ATP11A: variants seen among roughly 807,000 people sequenced by gnomAD.
ATP11A encodes phospholipid-transporting ATPase IH.
A neutral mutation model predicts 154.4 loss-of-function variants in ATP11A; 81 were observed. The observed-to-expected ratio is 0.52, with a 90% CI of 0.44 to 0.63. The LOEUF (loss-of-function observed/expected upper bound fraction) is 0.63, where lower values mean the gene tolerates loss of function less well. ATP11A is among the 30% of genes least tolerant of loss of function. ATP11A has a pLI of 0.00. For missense variants in ATP11A, 1,316 were observed against 1,474.3 expected, an observed-to-expected ratio of 0.89 and a Z score of 1.76; for synonymous variants, 623 against 585.9, an observed-to-expected ratio of 1.06 and a Z score of -0.91.
intron 17 of ATP11A, 23 bp from the exon 18 acceptor site, chr13:112,851,014 A>G: frequency 6.2e-7 from 1 of 1,606,656 alleles, no homozygotes; most frequent in Non-Finnish European, 8.5e-7. Flanking sequence ...AATTCGTGCT[A>G]AACGCTGCAT....
chr13:112,757,793 C>T (rs2076875620), intron 1 of ATP11A, among the ~76,000 whole-genome samples: 1 of 152,216 alleles, frequency 6.6e-6, no homozygotes, highest in African/African-American at 2.4e-5. Flanking sequence ...GTCTTTCTTC[C>T]TGATTGTCTT....
At chr13:112,714,399 A>G (rs190302140) in intron 1 of ATP11A, among the ~76,000 whole-genome samples, 39 of 152,096 alleles carry the variant, frequency 2.6e-4, no homozygotes, top group Admixed American at 2.3e-3. Flanking sequence ...TGACTTTCCT[A>G]TGTGTGTGGC....
intron 14 of ATP11A, among the ~76,000 whole-genome samples, chr13:112,834,249 C>T (rs1415871429): frequency 6.6e-6 from 1 of 152,222 alleles, no homozygotes; most frequent in African/African-American, 2.4e-5. Flanking sequence ...ACAACAAAGT[C>T]CACGAATCAA....
chr13:112,860,412 C>CAGGT lies in ATP11A; in HGVS notation c.2855_2855+3dup. ...TGCTCAAGAGAGACCCGACCCTGTA[C>CAGGT]AGGTACCATCCTCCAAACAGCCTCT... On this transcript the variant is annotated frameshift_variant and splice_region_variant, in exon 24 of 30. Transcript: ENST00000375645. The CAGGT allele has an allele frequency of 6.2e-7, 1 of 1,614,126 alleles. No homozygotes were observed. Among genetic ancestry groups the CAGGT allele is most frequent in the South Asian group, 1.1e-5 (1 of 91,076 alleles).
chr13:112,850,112 G>A (rs1431141518), intron 17 of ATP11A, among the ~76,000 whole-genome samples: 4 of 152,172 alleles, frequency 2.6e-5, no homozygotes, highest in African/African-American at 7.2e-5. Flanking sequence ...TTAAGAGGTC[G>A]GAACTAGTGA....
chr13:112,699,581 A>C (rs961435490), intron 1 of ATP11A, among the ~76,000 whole-genome samples: 1 of 152,206 alleles, frequency 6.6e-6, no homozygotes, highest in Non-Finnish European at 1.5e-5. Context: ...TTTATGTGCA[A>C]ACGTTTTAAC....
intron 8 of ATP11A, among the ~76,000 whole-genome samples, chr13:112,820,473 G>T (rs996699487): frequency 6.6e-6 from 1 of 152,196 alleles, no homozygotes; most frequent in Admixed American, 6.5e-5. Context: ...CTCACGGTTG[G>T]CTGCTGTGCC....
At chr13:112,800,762 C>T (rs914846801) in intron 2 of ATP11A, among the ~76,000 whole-genome samples, 1 of 152,118 alleles carries the variant, frequency 6.6e-6, no homozygotes, top group African/African-American at 2.4e-5. Flanking sequence ...AAAATATTAG[C>T]AAGTCCAATT....
At position 112,753,534 on chromosome 13, in the gene ATP11A, ACTT is replaced by A. The variant is rs2076747411; in HGVS notation, c.40-31598_40-31596del. On this transcript the variant is annotated intron_variant, in intron 1 of 29. Transcript: ENST00000375645. This position sits in a 1 kb window ranked among gnomAD's most constrained non-coding sequence, Gnocchi z 4.1. Reference sequence around the variant, plus strand: ...ACGTCCTGTTGTGGTTTTATCTTGTACTTCTCCTGCTAACAGGCAGGTTGAGAA... The same window carrying A: ...ACGTCCTGTTGTGGTTTTATCTTGTACTCCTGCTAACAGGCAGGTTGAGAA... Among the ~76,000 whole-genome samples the A allele has an allele frequency of 6.6e-6, 1 of 152,144 alleles. No individual in the cohort carries two copies. Among genetic ancestry groups the A allele is most frequent in the Non-Finnish European group, 1.5e-5 (1 of 68,028 alleles).
intron 2 of ATP11A, among the ~76,000 whole-genome samples, chr13:112,794,805 T>C (rs1369298892): frequency 6.6e-6 from 1 of 151,762 alleles, no homozygotes; most frequent in Non-Finnish European, 1.5e-5. Flanking sequence ...GAGGCAGAGG[T>C]TGCAGTGAGC....
chr13:112,755,615 A>G (rs1161315624), intron 1 of ATP11A, among the ~76,000 whole-genome samples: 1 of 152,204 alleles, frequency 6.6e-6, no homozygotes, highest in Non-Finnish European at 1.5e-5. Flanking sequence ...CAATCATGGA[A>G]GCGTCACTCA....
rs529939823 is a variant in ATP11A, at chr13:112,801,956, G to A, written c.163-3001G>A. On this transcript the variant is annotated intron_variant, in intron 2 of 29. Transcript: ENST00000375645. ...AAGGCAAAAGACCCAGAATAGCCTC[G>A]CAGTATTGAACCAAGTTGGAGAACT... 2.6e-4 allele frequency among the ~76,000 whole-genome samples: 39 copies of A among 152,280 alleles called. 1 individual carries two copies. Among genetic ancestry groups the A allele is most frequent in the African/African-American group, 6.0e-4 (25 of 41,546 alleles).
At chr13:112,720,418 C>T (rs71446623) in intron 1 of ATP11A, among the ~76,000 whole-genome samples, 13,415 of 152,244 alleles carry the variant, frequency 0.088, 625 homozygotes, top group Middle Eastern at 0.12. Flanking sequence ...ACGCCCGACG[C>T]GCAGGGTCAG....
intron 24 of ATP11A, chr13:112,860,778 G>GA (rs1056457113): frequency 3.7e-4 from 60 of 163,302 alleles, no homozygotes; most frequent in African/African-American, 1.3e-3. Flanking sequence ...CATTCAGTGA[G>GA]AAAAAACAAA....
intron 1 of ATP11A, among the ~76,000 whole-genome samples, chr13:112,764,952 A>G (rs1031887405): frequency 1.3e-5 from 2 of 152,154 alleles, no homozygotes; most frequent in African/African-American, 4.8e-5. Context: ...CCTCACTCGG[A>G]TCCCTGGAGG....
Position 112,805,226 on chromosome 13 carries a change from A to G in ATP11A, c.252+180A>G, listed in dbSNP as rs188172618. Reference sequence around the variant, plus strand: ...GTCTTGGTTCTGTGAGATCCACACAAGCTAAACTACACACGACGCTACTTT... The same window carrying G: ...GTCTTGGTTCTGTGAGATCCACACAGGCTAAACTACACACGACGCTACTTT... On this transcript the variant is annotated intron_variant, in intron 3 of 29. Coordinates refer to ENST00000375645, the MANE Select transcript of ATP11A (RefSeq NM_015205.3). Among the ~76,000 whole-genome samples the G allele has an allele frequency of 1.4e-4, 21 of 152,308 alleles. No homozygotes were observed. The East Asian group carries it at 1.9e-3, about 14-fold the overall frequency.
chr13:112,693,846 G>C (rs990285908), intron 1 of ATP11A, among the ~76,000 whole-genome samples: 5 of 152,190 alleles, frequency 3.3e-5, no homozygotes, highest in Non-Finnish European at 7.3e-5. Context: ...CAGCTACTCA[G>C]AAGGCTGAGG....
intron 18 of ATP11A, among the ~76,000 whole-genome samples, chr13:112,853,742 G>C (rs963603553): frequency 6.6e-6 from 1 of 152,210 alleles, no homozygotes; most frequent in Non-Finnish European, 1.5e-5. Context: ...CATGTGGCAA[G>C]CCCATGGCAC....
chr13:112,884,786 C>T lies in ATP11A; in HGVS notation c.*2920C>T, dbSNP rs904835957. The T allele has an allele frequency of 2.0e-5, 3 of 151,886 alleles. No individual in the cohort carries two copies. The highest frequency in any genetic ancestry group is 4.4e-5 in the Non-Finnish European group (3 of 68,038). 9.4% of individuals were successfully genotyped at this position (151,886 alleles called of 1,614,324 possible). ...GACCGTCTCAGACACGCACAGTGGGCCTGCTGCATGATTCACACCCAGTCC... is the reference window on the plus strand; with the variant it reads ...GACCGTCTCAGACACGCACAGTGGGTCTGCTGCATGATTCACACCCAGTCC... On this transcript the variant is annotated 3_prime_UTR_variant, in exon 30 of 30. Coordinates refer to ENST00000375645, the MANE Select transcript of ATP11A (RefSeq NM_015205.3).
Sources: gnomAD v4.1 joint callset for allele counts (sites outside exome capture counted in the v4.1 genomes callset) on GRCh38, gnomAD v4.1.1 for gene constraint, Gnocchi (gnomAD v3.1) non-coding constraint, MANE v1.5 for transcripts, NCBI Gene and HGNC (gene_info 2026-07-23, HGNC 2026-07-21) for gene names.